Variants in MBD5 observed in about 807,000 individuals in gnomAD.
MBD5 encodes methyl-CpG-binding domain protein 5.
Under a neutral mutation model 117.3 loss-of-function variants are expected in MBD5, and 13 were observed. That is an observed-to-expected ratio of 0.11 (90% confidence interval 0.07 to 0.18). MBD5 has a LOEUF of 0.18. Among genes scored for constraint, MBD5 ranks in the 10% least tolerant of loss-of-function variants. The pLI, the probability that MBD5 is intolerant of heterozygous loss-of-function variation, is 1.00. For missense variants in MBD5, 1,879 were observed against 2,093.8 expected, an observed-to-expected ratio of 0.90 and a Z score of 2.00; for synonymous variants, 727 against 766.4, an observed-to-expected ratio of 0.95 and a Z score of 0.85.
At chr2:148,333,225 C>T (rs572390711) in intron 3 of MBD5, among the ~76,000 whole-genome samples, 3 of 152,180 alleles carry the variant, frequency 2.0e-5, no homozygotes, top group African/African-American at 7.2e-5. Flanking sequence ...CCTCAGAAGT[C>T]TAGTGGTCCT....
intron 1 of MBD5, among the ~76,000 whole-genome samples, chr2:148,137,327 C>G (rs1047570766): frequency 1.3e-5 from 2 of 152,164 alleles, no homozygotes; most frequent in African/African-American, 4.8e-5. Context: ...ACCACTATTT[C>G]TATTTTATCC....
In MBD5 at chr2:148,419,564, C is replaced by T. The variant is rs897760895; in HGVS notation, c.-556-38639C>T. 4.6e-5 allele frequency among the ~76,000 whole-genome samples: 7 copies of T among 152,152 alleles called. No individual in the cohort carries two copies. The East Asian group carries it at 5.8e-4, about 13-fold the overall frequency. On this transcript the variant is annotated intron_variant, in intron 4 of 13. Coordinates refer to ENST00000642680, the MANE Select transcript of MBD5 (RefSeq NM_001378120.1). ...CTTTTTTCAGCAGTTTAAAATGCCA[C>T]CAGTGTCATAACTAAATCTGTATAT...
chr2:148,458,998 T>C, intron 5 of MBD5, 127 bp downstream of exon 5: 1 of 783,682 alleles, frequency 1.3e-6, no homozygotes, highest in Admixed American at 2.0e-5. Context: ...TAGAAACATA[T>C]GAGAATTTTT....
intron 9 of MBD5, chr2:148,485,428 T>C (rs796481089): frequency 3.1e-5 from 9 of 291,572 alleles, no homozygotes; most frequent in African/African-American, 2.0e-4. Context: ...CTAAAATAGA[T>C]CTAAAATCTA....
rs557210859 is a variant in MBD5, at chr2:148,240,309, C to G, written c.-680+6914C>G. The stretch of plus-strand genomic sequence containing the variant: ...GAAGGGATAGCATTAGGAGATATAC[C>G]TAATGTAAATGATGAGTTAATGGGT... On this transcript the variant is annotated intron_variant, in intron 3 of 13. Transcript: ENST00000642680. 2.0e-5 allele frequency among the ~76,000 whole-genome samples: 3 copies of G among 152,082 alleles called. No homozygotes were observed. In the East Asian group the frequency reaches 5.8e-4, roughly 29 times the overall value.
At chr2:148,108,081 G>A (rs1050336674) in intron 1 of MBD5, among the ~76,000 whole-genome samples, 7 of 149,124 alleles carry the variant, frequency 4.7e-5, no homozygotes, top group Non-Finnish European at 7.4e-5. Context: ...CCTCTCCCCC[G>A]AGTTCCAAAC....
chr2:148,474,071 G>A (rs1574466205), intron 8 of MBD5, among the ~76,000 whole-genome samples: 1 of 152,120 alleles, frequency 6.6e-6, no homozygotes, highest in Admixed American at 6.6e-5. Context: ...CCAAATGCAG[G>A]TATGTTCTGG....
At chr2:148,066,170 GTGT>G (rs1267037419) in intron 1 of MBD5, among the ~76,000 whole-genome samples, 1 of 152,038 alleles carries the variant, frequency 6.6e-6, no homozygotes, top group African/African-American at 2.4e-5. Flanking sequence ...GCCGAGCATG[GTGT>G]TGTGCGCCTG....
intron 1 of MBD5, among the ~76,000 whole-genome samples, chr2:148,107,855 T>C (rs1334527363): frequency 6.6e-6 from 1 of 152,192 alleles, no homozygotes; most frequent in Admixed American, 6.5e-5. Flanking sequence ...ATTTTTTATA[T>C]CATGAACTAC....
At chr2:148,110,754 T>C (rs922525342) in intron 1 of MBD5, among the ~76,000 whole-genome samples, 3 of 151,998 alleles carry the variant, frequency 2.0e-5, no homozygotes, top group Non-Finnish European at 4.4e-5. Context: ...AGGCTGGTCC[T>C]CTAATTGTCT....
At chr2:148,033,197 G>C (rs1011979040) in intron 1 of MBD5, among the ~76,000 whole-genome samples, 1 of 152,248 alleles carries the variant, frequency 6.6e-6, no homozygotes, top group Admixed American at 6.5e-5. Flanking sequence ...TCAGTTGTTA[G>C]AATATAAACA....
chr2:148,349,632 A>G (rs1404213734), intron 4 of MBD5, among the ~76,000 whole-genome samples: 2 of 152,034 alleles, frequency 1.3e-5, no homozygotes, highest in Non-Finnish European at 1.5e-5. Context: ...ATAATTAGCC[A>G]TGAATTCAAG....
At chr2:148,259,167 AG>A (rs1700671810) in intron 3 of MBD5, among the ~76,000 whole-genome samples, 1 of 152,144 alleles carries the variant, frequency 6.6e-6, no homozygotes, top group African/African-American at 2.4e-5. Context: ...CGTCCCACAT[AG>A]TCCGTATGGC....
chr2:148,294,506 T>TTTTTTTTGTTTTTTTTTTTTTGTTTTG (rs1701594874), intron 3 of MBD5, among the ~76,000 whole-genome samples: 2 of 130,642 alleles, frequency 1.5e-5, no homozygotes, highest in Non-Finnish European at 3.2e-5. Flanking sequence ...TTACAGTTTT[T>TTTTTTTTGTTTTTTTTTTTTTGTTTTG]TTTTTTTTTT....
chr2:148,134,194 ATGAT>A, intron 1 of MBD5, among the ~76,000 whole-genome samples: 1 of 149,370 alleles, frequency 6.7e-6, no homozygotes, highest in Non-Finnish European at 1.5e-5. Flanking sequence ...AGATAGATAG[ATGAT>A]TGATAGATAG....
intron 3 of MBD5, among the ~76,000 whole-genome samples, chr2:148,253,394 CAG>C (rs1700510345): frequency 6.6e-6 from 1 of 152,012 alleles, no homozygotes; most frequent in Non-Finnish European, 1.5e-5. Context: ...ATAATGGAGA[CAG>C]AGAAGCAGTC....
At chr2:148,170,269 C>T (rs1393303393) in intron 1 of MBD5, among the ~76,000 whole-genome samples, 3 of 152,140 alleles carry the variant, frequency 2.0e-5, no homozygotes, top group African/African-American at 7.2e-5. Context: ...ATTTAAGGCC[C>T]ACTAAGAGAG....
At position 148,104,491 on chromosome 2, in the gene MBD5, T is replaced by C. The variant is rs886505311; in HGVS notation, c.-924-74209T>C. ...TTGTTCCTTTGGATCTTTAACCTAT[T>C]GCATTAAACAAAAAATGATTGTCAT... is the stretch of plus-strand genomic sequence containing the variant. On this transcript the variant is annotated intron_variant, in intron 1 of 13. Coordinates refer to ENST00000642680, the MANE Select transcript of MBD5 (RefSeq NM_001378120.1). 2.0e-5 allele frequency among the ~76,000 whole-genome samples: 3 copies of C among 152,182 alleles called. No homozygotes were observed. In the East Asian group the frequency reaches 5.8e-4, roughly 29 times the overall value.
At chr2:148,270,492 G>A (rs1393811349) in intron 3 of MBD5, among the ~76,000 whole-genome samples, 2 of 151,156 alleles carry the variant, frequency 1.3e-5, no homozygotes, top group African/African-American at 4.9e-5. Flanking sequence ...GGGTTCAAGC[G>A]ATTCTCCTGC....
Sources: allele counts gnomAD v4.1 joint callset (sites outside exome capture counted in the v4.1 genomes callset), GRCh38; gene constraint gnomAD v4.1.1; transcripts MANE v1.5; gene names NCBI Gene and HGNC (gene_info 2026-07-23, HGNC 2026-07-21).